The following SOX5 variants were observed in gnomAD, a reference collection of about 807,000 sequenced individuals.
The protein encoded by SOX5 is SRY-box transcription factor 5.
In SOX5, 9 loss-of-function variants were observed where a neutral mutation model predicts 92.0. The ratio of observed to expected loss-of-function variants is 0.10; its 90% confidence interval spans 0.06 to 0.17. The LOEUF (loss-of-function observed/expected upper bound fraction) is 0.17, where lower values mean the gene tolerates loss of function less well. Among genes scored for constraint, SOX5 ranks in the 10% least tolerant of loss-of-function variants. SOX5 has a pLI of 1.00. For missense variants in SOX5, 642 were observed against 944.5 expected, an observed-to-expected ratio of 0.68 and a Z score of 4.20; for synonymous variants, 344 against 336.3, an observed-to-expected ratio of 1.02 and a Z score of -0.25.
At chr12:23,838,860 GA>G (rs2096474163) in intron 3 of SOX5, among the ~76,000 whole-genome samples, 1 of 76,264 alleles carries the variant, frequency 1.3e-5, no homozygotes, top group African/African-American at 5.1e-5. Context: ...GGGGGGCGGG[GA>G]TGGAGTCTCG....
chr12:24,084,290 GAGTC>G (rs1943706906), intron 4 of SOX5, among the ~76,000 whole-genome samples: 1 of 152,034 alleles, frequency 6.6e-6, no homozygotes, highest in Admixed American at 6.6e-5. Flanking sequence ...GGGTGAAGTG[GAGTC>G]AGTAAAATGG....
intron 1 of SOX5, among the ~76,000 whole-genome samples, chr12:23,909,258 G>A (rs2097325555): frequency 6.6e-6 from 1 of 152,160 alleles, no homozygotes; most frequent in Admixed American, 6.6e-5. Flanking sequence ...AGCTTTTCCT[G>A]TATGCTTTCT....
intron 1 of SOX5, among the ~76,000 whole-genome samples, chr12:24,422,035 C>T (rs997010358): frequency 6.6e-6 from 1 of 152,204 alleles, no homozygotes; most frequent in Non-Finnish European, 1.5e-5. Flanking sequence ...AGGTTGACTG[C>T]ACAATGACCT....
At chr12:23,653,026 AGATAGATGGATGGATGGATGGATGGATG>A (rs1566730275) in intron 7 of SOX5, among the ~76,000 whole-genome samples, 2 of 84,144 alleles carry the variant, frequency 2.4e-5, no homozygotes, top group African/African-American at 1.1e-4. Flanking sequence ...ATGAATGTAC[AGATAGATGGATGGATGGATGGATGGATG>A]GATGGATGGA....
At chr12:23,891,686 AAG>A (rs1308041074) in intron 2 of SOX5, among the ~76,000 whole-genome samples, 3 of 152,208 alleles carry the variant, frequency 2.0e-5, no homozygotes, top group Non-Finnish European at 4.4e-5. Context: ...AATAGAAAAA[AAG>A]AGAGAATGTA....
chr12:23,803,435 A>T (rs575495743), intron 3 of SOX5, among the ~76,000 whole-genome samples: 5 of 152,228 alleles, frequency 3.3e-5, no homozygotes, highest in African/African-American at 9.6e-5. Context: ...ATTAATTTTT[A>T]TCCTTCAATA....
intron 3 of SOX5, among the ~76,000 whole-genome samples, chr12:23,840,339 C>T (rs961777362): frequency 2.0e-5 from 3 of 152,074 alleles, no homozygotes; most frequent in African/African-American, 4.8e-5. Context: ...ATTAAAGATA[C>T]TCATAAATAG....
chr12:23,811,640 T>C (rs775584241), intron 3 of SOX5, among the ~76,000 whole-genome samples: 6 of 152,068 alleles, frequency 3.9e-5, no homozygotes, highest in Non-Finnish European at 1.5e-5. Context: ...AGAGGCAAAA[T>C]TGTTGAATAT....
chr12:23,807,321 A>G (rs2095797832), intron 3 of SOX5, among the ~76,000 whole-genome samples: 7 of 152,198 alleles, frequency 4.6e-5, no homozygotes, highest in Admixed American at 4.6e-4. Context: ...CACTTCATTA[A>G]GGTCTTTGCA....
intron 9 of SOX5, among the ~76,000 whole-genome samples, chr12:23,576,064 A>G (rs1472684222): frequency 3.3e-5 from 5 of 152,264 alleles, no homozygotes; most frequent in Admixed American, 3.3e-4. Flanking sequence ...TGTGTACTCA[A>G]CTACCCACAG....
chr12:24,542,968 T>G (rs1377584645), intron 1 of SOX5, among the ~76,000 whole-genome samples: 3 of 152,238 alleles, frequency 2.0e-5, no homozygotes, highest in Non-Finnish European at 4.4e-5. Flanking sequence ...CACCCATACT[T>G]AAGTCTGAGT....
At chr12:23,793,300 A>C (rs1013860775) in intron 3 of SOX5, among the ~76,000 whole-genome samples, 1 of 152,102 alleles carries the variant, frequency 6.6e-6, no homozygotes, top group Non-Finnish European at 1.5e-5. Context: ...TTAAGTGCCT[A>C]CTCGGTGACA....
chr12:23,679,471 G>A (rs1005798467), intron 6 of SOX5, among the ~76,000 whole-genome samples: 4 of 152,078 alleles, frequency 2.6e-5, no homozygotes, highest in Admixed American at 6.6e-5. Flanking sequence ...CTAACTACTT[G>A]AAATACTATA....
Position 23,930,643 on chromosome 12 carries a change from T to C in SOX5, c.38+18921A>G, listed in dbSNP as rs573582766. Among the ~76,000 whole-genome samples, 15 of 151,872 alleles carry C rather than the reference T, an allele frequency of 9.9e-5. No individual in the cohort carries two copies. The South Asian group carries it at 2.9e-3, about 29-fold the overall frequency. ...CAGTTCTTAGTTGTTCTTAATCATC[T>C]CTTTTAATTCTCAAAACAACCCTGT... On this transcript the variant is annotated intron_variant, in intron 1 of 14. Coordinates refer to ENST00000451604, the MANE Select transcript of SOX5 (RefSeq NM_006940.6).
At chr12:24,103,796 TG>T (rs1220834743) in intron 4 of SOX5, among the ~76,000 whole-genome samples, 1 of 152,174 alleles carries the variant, frequency 6.6e-6, no homozygotes, top group Non-Finnish European at 1.5e-5. Flanking sequence ...TTCTCAAATA[TG>T]GGGTAAGGAG....
chr12:23,938,249 T>C (rs1478199497), intron 1 of SOX5, among the ~76,000 whole-genome samples: 1 of 151,038 alleles, frequency 6.6e-6, no homozygotes, highest in Non-Finnish European at 1.5e-5. Context: ...TTCTGTTTCT[T>C]AGGTGATTTG....
At chr12:23,819,212 GTTACAACCC>G (rs1287486847) in intron 3 of SOX5, among the ~76,000 whole-genome samples, 3 of 152,174 alleles carry the variant, frequency 2.0e-5, no homozygotes, top group African/African-American at 7.2e-5. Context: ...AACATGTTGT[GTTACAACCC>G]TACAACAGCT....
At chr12:23,911,921 C>G (rs2097356548) in intron 1 of SOX5, among the ~76,000 whole-genome samples, 1 of 152,068 alleles carries the variant, frequency 6.6e-6, no homozygotes, top group Non-Finnish European at 1.5e-5. Flanking sequence ...ACCAAACACA[C>G]AAGTGACAAA....
At chr12:23,693,587 C>T (rs2089286822) in intron 6 of SOX5, among the ~76,000 whole-genome samples, 1 of 152,062 alleles carries the variant, frequency 6.6e-6, no homozygotes, top group Non-Finnish European at 1.5e-5. Context: ...TATTTATTAA[C>T]ATTATTATGA....
Sources: gnomAD v4.1 joint callset for allele counts (sites outside exome capture counted in the v4.1 genomes callset) on GRCh38, gnomAD v4.1.1 for gene constraint, MANE v1.5 for transcripts, NCBI Gene and HGNC (gene_info 2026-07-23, HGNC 2026-07-21) for gene names.